The following TBC1D5 variants were observed in gnomAD, a reference collection of about 807,000 sequenced individuals.
TBC1D5 encodes the protein TBC1 domain family, member 5.
In TBC1D5, 75 loss-of-function variants were observed where a neutral mutation model predicts 100.3. The observed-to-expected ratio is 0.75, with a 90% confidence interval of 0.62 to 0.91. The LOEUF (loss-of-function observed/expected upper bound fraction) is 0.91, where lower values mean the gene tolerates loss of function less well. Among genes scored for constraint, TBC1D5 ranks in the 40% least tolerant of loss-of-function variants. The pLI is 0.00. For missense variants in TBC1D5, 910 were observed against 942.4 expected (o/e 0.97, Z 0.45); for synonymous variants, 323 against 325.6 (o/e 0.99, Z 0.09).
intron 19 of TBC1D5, among the ~76,000 whole-genome samples, chr3:17,171,070 G>A (rs1191029347): frequency 3.9e-5 from 6 of 152,154 alleles, no homozygotes; most frequent in African/African-American, 4.8e-5. Context: ...TGTGAACCAG[G>A]AAGTCCTAGT....
At chr3:17,435,583 T>A (rs2094520958) in intron 3 of TBC1D5, among the ~76,000 whole-genome samples, 1 of 152,208 alleles carries the variant, frequency 6.6e-6, no homozygotes, top group Non-Finnish European at 1.5e-5. Context: ...TGGGGGTAAC[T>A]GCCCCCATTA....
chr3:17,299,082 T>C (rs1303827554), intron 14 of TBC1D5, among the ~76,000 whole-genome samples: 1 of 152,228 alleles, frequency 6.6e-6, no homozygotes, highest in Non-Finnish European at 1.5e-5. Flanking sequence ...CATAAAAATA[T>C]GCCAGCATCG....
chr3:17,253,119 T>C (rs1184605785), intron 16 of TBC1D5, among the ~76,000 whole-genome samples: 6 of 152,340 alleles, frequency 3.9e-5, no homozygotes, highest in Admixed American at 3.9e-4. Flanking sequence ...ACAACTTCCA[T>C]TTTATATGGT....
intron 1 of TBC1D5, among the ~76,000 whole-genome samples, chr3:17,668,126 A>AT (rs2067490725): frequency 1.3e-5 from 2 of 148,624 alleles, no homozygotes; most frequent in African/African-American, 4.9e-5. Flanking sequence ...TTCACTTAAA[A>AT]ATATATATAA....
intron 1 of TBC1D5, among the ~76,000 whole-genome samples, chr3:17,695,710 A>C (rs936195258): frequency 2.0e-5 from 3 of 152,220 alleles, no homozygotes; most frequent in African/African-American, 7.2e-5. Context: ...GTTAACAAAG[A>C]TATCTAGGAC....
At chr3:17,462,656 A>G (rs541468570) in intron 3 of TBC1D5, among the ~76,000 whole-genome samples, 39 of 151,810 alleles carry the variant, frequency 2.6e-4, no homozygotes, top group Non-Finnish European at 4.6e-4. Flanking sequence ...TTTACTTACT[A>G]TGGCTCTAAA....
At chr3:17,295,729 CAG>C (rs1442474355) in intron 14 of TBC1D5, among the ~76,000 whole-genome samples, 2 of 152,102 alleles carry the variant, frequency 1.3e-5, no homozygotes, top group African/African-American at 4.8e-5. Flanking sequence ...CATAATAAAA[CAG>C]AATGAAAACT....
chr3:17,297,859 G>C (rs2082420337), intron 14 of TBC1D5, among the ~76,000 whole-genome samples: 1 of 151,858 alleles, frequency 6.6e-6, no homozygotes, highest in Admixed American at 6.6e-5. Context: ...CAAAGTGCTG[G>C]GATTACAGGC....
intron 13 of TBC1D5, among the ~76,000 whole-genome samples, chr3:17,362,071 G>C (rs2091769731): frequency 1.3e-5 from 2 of 151,968 alleles, no homozygotes; most frequent in Non-Finnish European, 2.9e-5. Context: ...AAATGGTTCT[G>C]AAATAATTGG....
intron 1 of TBC1D5, among the ~76,000 whole-genome samples, chr3:17,710,564 CAATA>C (rs200722930): frequency 2.1e-4 from 31 of 148,948 alleles, no homozygotes; most frequent in African/African-American, 5.7e-4. Flanking sequence ...AACTCCATCT[CAATA>C]AATAAATAAA....
intron 14 of TBC1D5, among the ~76,000 whole-genome samples, chr3:17,302,803 A>G (rs1315963456): frequency 6.6e-6 from 1 of 152,190 alleles, no homozygotes; most frequent in Non-Finnish European, 1.5e-5. Context: ...AGTAGCTCCA[A>G]AAGAACATAT....
intron 2 of TBC1D5, among the ~76,000 whole-genome samples, chr3:17,580,849 C>T (rs2096689745): frequency 1.3e-5 from 2 of 152,192 alleles, no homozygotes; most frequent in Non-Finnish European, 1.5e-5. Context: ...TCTTCTCTAG[C>T]CACCTCTACT....
chr3:17,505,846 G>C (rs918101436), intron 3 of TBC1D5, among the ~76,000 whole-genome samples: 11 of 152,042 alleles, frequency 7.2e-5, no homozygotes, highest in African/African-American at 2.7e-4. Context: ...AAACTAAACT[G>C]AACAGGGCAC....
intron 14 of TBC1D5, among the ~76,000 whole-genome samples, chr3:17,298,917 T>A (rs1336070298): frequency 6.6e-6 from 1 of 152,192 alleles, no homozygotes; most frequent in Non-Finnish European, 1.5e-5. Flanking sequence ...AGACCCCCAG[T>A]GGATACCTGA....
intron 3 of TBC1D5, among the ~76,000 whole-genome samples, chr3:17,434,508 C>T (rs917017911): frequency 7.2e-5 from 11 of 152,220 alleles, no homozygotes; most frequent in African/African-American, 2.7e-4. Context: ...GGATCCAGGG[C>T]ACGGCCCAAC....
At chr3:17,285,804 T>C (rs1203614258) in intron 15 of TBC1D5, among the ~76,000 whole-genome samples, 1 of 152,188 alleles carries the variant, frequency 6.6e-6, no homozygotes, top group Non-Finnish European at 1.5e-5. Flanking sequence ...AAATTTGAAA[T>C]TCAGACTTTT....
At chr3:17,169,219 A>T (rs1219205440) in intron 19 of TBC1D5, among the ~76,000 whole-genome samples, 1 of 152,222 alleles carries the variant, frequency 6.6e-6, no homozygotes, top group African/African-American at 2.4e-5. Flanking sequence ...ATAAACTCCA[A>T]GGTGTTCTTG....
chr3:17,509,116 A>G (rs1475915383), intron 2 of TBC1D5, among the ~76,000 whole-genome samples: 1 of 152,026 alleles, frequency 6.6e-6, no homozygotes, highest in East Asian at 1.9e-4. Context: ...CATGGTAAAC[A>G]TACTGATTAT....
intron 1 of TBC1D5, among the ~76,000 whole-genome samples, chr3:17,671,847 T>C (rs1423118187): frequency 6.6e-6 from 1 of 152,232 alleles, no homozygotes; most frequent in Non-Finnish European, 1.5e-5. Context: ...TTTTGGTACA[T>C]AACGTATTGC....
Sources: gnomAD v4.1 joint callset for allele counts (sites outside exome capture counted in the v4.1 genomes callset) on GRCh38, gnomAD v4.1.1 for gene constraint, MANE v1.5 for transcripts, NCBI Gene and HGNC (gene_info 2026-07-23, HGNC 2026-07-21) for gene names.